Variants in ST6GAL1 observed in about 807,000 individuals in gnomAD.
ST6GAL1 encodes the protein beta-galactoside alpha-2,6-sialyltransferase 1.
A neutral mutation model predicts 38.0 loss-of-function variants in ST6GAL1; 20 were observed. The observed-to-expected ratio is 0.53, with a 90% CI of 0.37 to 0.77. The LOEUF is 0.77. Among genes scored for constraint, ST6GAL1 ranks in the 30% least tolerant of loss-of-function variants. ST6GAL1 has a pLI of 0.00. For synonymous variants in ST6GAL1, 196 were observed against 188.2 expected, an observed-to-expected ratio of 1.04 and a Z score of -0.34; for missense variants, 432 against 496.4, an observed-to-expected ratio of 0.87 and a Z score of 1.23.
At chr3:186,986,088 T>C (rs1453434852) in intron 2 of ST6GAL1, among the ~76,000 whole-genome samples, 1 of 152,006 alleles carries the variant, frequency 6.6e-6, no homozygotes. Flanking sequence ...GAGGAACCAG[T>C]AGAAAGTGGG....
At chr3:187,022,057 A>G in intron 2 of ST6GAL1, 1 of 152,212 alleles carries the variant, frequency 6.6e-6, no homozygotes, top group East Asian at 1.9e-4. Context: ...AATTAATTGA[A>G]CCCACGGAGA....
intron 1 of ST6GAL1, among the ~76,000 whole-genome samples, chr3:186,961,510 T>C (rs1424992089): frequency 1.3e-5 from 2 of 152,102 alleles, no homozygotes; most frequent in Non-Finnish European, 2.9e-5. Context: ...AGGGGCAGGG[T>C]GGGCAGGTAG....
chr3:187,054,792 T>A (rs1165136338), intron 5 of ST6GAL1, among the ~76,000 whole-genome samples: 1 of 152,208 alleles, frequency 6.6e-6, no homozygotes, highest in Non-Finnish European at 1.5e-5. Flanking sequence ...GACTTTGGTA[T>A]CAGGATGATA....
chr3:187,004,665 C>T (rs911719626), intron 2 of ST6GAL1, among the ~76,000 whole-genome samples: 1 of 152,224 alleles, frequency 6.6e-6, no homozygotes, highest in African/African-American at 2.4e-5. Flanking sequence ...CAGCCAGTAC[C>T]AGATGCCATT....
chr3:186,993,212 G>T (rs1373119601), intron 2 of ST6GAL1, among the ~76,000 whole-genome samples: 1 of 152,208 alleles, frequency 6.6e-6, no homozygotes, highest in Admixed American at 6.5e-5. Flanking sequence ...CTAATTCGAG[G>T]GCACACTGCT....
At chr3:187,064,025 C>T (rs926698263) in intron 5 of ST6GAL1, among the ~76,000 whole-genome samples, 1 of 152,114 alleles carries the variant, frequency 6.6e-6, no homozygotes, top group Non-Finnish European at 1.5e-5. Flanking sequence ...TGAATGTCTG[C>T]CTCTGCCTGT....
At chr3:186,984,254 C>A (rs1158692628) in intron 2 of ST6GAL1, among the ~76,000 whole-genome samples, 1 of 152,212 alleles carries the variant, frequency 6.6e-6, no homozygotes. Flanking sequence ...GAGCATCGCT[C>A]ACTGGGACTG....
At chr3:186,950,045 G>C (rs1373286208) in intron 1 of ST6GAL1, among the ~76,000 whole-genome samples, 1 of 152,198 alleles carries the variant, frequency 6.6e-6, no homozygotes, top group Non-Finnish European at 1.5e-5. Context: ...TCTCCCTGGA[G>C]GAGCTCTCCA....
intron 1 of ST6GAL1, among the ~76,000 whole-genome samples, chr3:186,956,096 G>T (rs1449611610): frequency 6.6e-6 from 1 of 151,972 alleles, no homozygotes; most frequent in Non-Finnish European, 1.5e-5. Context: ...GTGGAGCCTG[G>T]CCTTCCCCCT....
At chr3:186,969,826 G>A (rs1417732427) in intron 2 of ST6GAL1, among the ~76,000 whole-genome samples, 1 of 152,194 alleles carries the variant, frequency 6.6e-6, no homozygotes, top group Non-Finnish European at 1.5e-5. Flanking sequence ...GTAGAAGTTC[G>A]TATGTGCCAA....
At chr3:186,944,324 C>G (rs568341987) in intron 1 of ST6GAL1, among the ~76,000 whole-genome samples, 2 of 152,198 alleles carry the variant, frequency 1.3e-5, no homozygotes, top group Non-Finnish European at 2.9e-5. Flanking sequence ...TTGAGCTGTC[C>G]CTTTAAGGAT....
intron 2 of ST6GAL1, among the ~76,000 whole-genome samples, chr3:187,014,096 G>C (rs1717046578): frequency 6.6e-6 from 1 of 152,160 alleles, no homozygotes; most frequent in Non-Finnish European, 1.5e-5. Flanking sequence ...TTAAGCACCT[G>C]GCATGTGCCA....
At position 186,973,282 on chromosome 3, in the gene ST6GAL1, C is replaced by T. The variant is rs561410403; in HGVS notation, c.-183+9356C>T. Among the ~76,000 whole-genome samples the T allele has an allele frequency of 5.3e-5, 8 of 152,246 alleles. No homozygotes were observed. In the South Asian group the frequency reaches 1.2e-3, roughly 24 times the overall value. On this transcript the variant is annotated intron_variant, in intron 2 of 7. Coordinates refer to ENST00000169298, the MANE Select transcript of ST6GAL1 (RefSeq NM_173216.2). ...AACTCCTGACCTCACGTGATCTGCC[C>T]GTCTTGGCCTTCCAAACTGCTGGGA...
At chr3:186,941,513 T>C (rs542858615) in intron 1 of ST6GAL1, among the ~76,000 whole-genome samples, 67 of 152,062 alleles carry the variant, frequency 4.4e-4, no homozygotes, top group African/African-American at 1.6e-3. Flanking sequence ...ATAAGAGGCA[T>C]CCTTTTCATG....
At chr3:187,014,721 C>CGAGGGAA (rs1479157233) in intron 2 of ST6GAL1, among the ~76,000 whole-genome samples, 1 of 152,216 alleles carries the variant, frequency 6.6e-6, no homozygotes, top group Non-Finnish European at 1.5e-5. Context: ...GCGGTTCCTT[C>CGAGGGAA]ATCTATAAAA....
At chr3:186,963,133 C>G (rs901819450) in intron 1 of ST6GAL1, among the ~76,000 whole-genome samples, 5 of 152,070 alleles carry the variant, frequency 3.3e-5, no homozygotes, top group African/African-American at 1.2e-4. Flanking sequence ...AACAAATGCC[C>G]TCTATTCAGG....
chr3:186,977,892 G>T (rs1715571645), intron 2 of ST6GAL1, among the ~76,000 whole-genome samples: 1 of 152,106 alleles, frequency 6.6e-6, no homozygotes. Context: ...GAAGTGAATG[G>T]GACTTGTTAT....
intron 3 of ST6GAL1, 57 bp from the exon 4 acceptor site, chr3:187,042,597 A>G: frequency 6.8e-7 from 1 of 1,472,104 alleles, no homozygotes; most frequent in South Asian, 1.4e-5. Context: ...GCTCCGCCTC[A>G]TGCCACATTG....
At chr3:187,039,966 G>T (rs1318235065) in intron 3 of ST6GAL1, among the ~76,000 whole-genome samples, 1 of 152,212 alleles carries the variant, frequency 6.6e-6, no homozygotes, top group African/African-American at 2.4e-5. Context: ...GCTGTTTGGA[G>T]GAACTCTTCT....
Sources: gnomAD v4.1 joint callset for allele counts (sites outside exome capture counted in the v4.1 genomes callset) on GRCh38, gnomAD v4.1.1 for gene constraint, MANE v1.5 for transcripts, NCBI Gene and HGNC (gene_info 2026-07-23, HGNC 2026-07-21) for gene names.